Variants in INPP4B observed in about 807,000 individuals in gnomAD.
The protein encoded by INPP4B is inositol polyphosphate-4-phosphatase type II B.
A neutral mutation model predicts 122.5 loss-of-function variants in INPP4B; 55 were observed. The observed-to-expected ratio is 0.45, with a 90% confidence interval of 0.36 to 0.56. The LOEUF (loss-of-function observed/expected upper bound fraction) is 0.56. INPP4B is among the 20% of genes least tolerant of loss of function. The pLI is 0.00. For synonymous variants in INPP4B, 403 were observed against 388.7 expected, an observed-to-expected ratio of 1.04 and a Z score of -0.43; for missense variants, 1,000 against 1,097.7, an observed-to-expected ratio of 0.91 and a Z score of 1.26.
At chr4:142,395,098 A>T (rs1018417772) in intron 7 of INPP4B, among the ~76,000 whole-genome samples, 2 of 152,250 alleles carry the variant, frequency 1.3e-5, no homozygotes, top group Admixed American at 1.3e-4. Flanking sequence ...AAAAGCAAAC[A>T]AAGTTTTTGA....
At chr4:142,772,658 A>T (rs1202272266) in intron 1 of INPP4B, among the ~76,000 whole-genome samples, 1 of 152,182 alleles carries the variant, frequency 6.6e-6, no homozygotes, top group African/African-American at 2.4e-5. Flanking sequence ...CTACATAGGG[A>T]AATTGACATG....
At chr4:142,546,496 T>C (rs1282744892) in intron 2 of INPP4B, among the ~76,000 whole-genome samples, 1 of 152,140 alleles carries the variant, frequency 6.6e-6, no homozygotes, top group East Asian at 1.9e-4. Flanking sequence ...TTGAGAAACC[T>C]GGAGCCTTAG....
intron 2 of INPP4B, among the ~76,000 whole-genome samples, chr4:142,723,825 T>C (rs1351913190): frequency 1.3e-5 from 2 of 152,136 alleles, no homozygotes; most frequent in African/African-American, 4.8e-5. Context: ...AATGTTAATA[T>C]GTTAGTGTGT....
chr4:142,471,971 T>C (rs1426511598), intron 2 of INPP4B, among the ~76,000 whole-genome samples: 2 of 152,168 alleles, frequency 1.3e-5, no homozygotes, highest in East Asian at 1.9e-4. Flanking sequence ...AACCTACAAA[T>C]TATTTTTTTT....
At chr4:142,551,822 G>A (rs1269283307) in intron 2 of INPP4B, among the ~76,000 whole-genome samples, 1 of 152,202 alleles carries the variant, frequency 6.6e-6, no homozygotes, top group Admixed American at 6.5e-5. Flanking sequence ...GAAGGCATAA[G>A]ACTTCCCTAG....
chr4:142,627,439 TTTA>T (rs1246414301), intron 2 of INPP4B, among the ~76,000 whole-genome samples: 11 of 143,996 alleles, frequency 7.6e-5, no homozygotes, highest in African/African-American at 2.9e-4. Context: ...CAATACCTAA[TTTA>T]TTGAGAGTTT....
intron 1 of INPP4B, among the ~76,000 whole-genome samples, chr4:142,845,398 C>T (rs113393787): frequency 1.9e-3 from 285 of 152,282 alleles, no homozygotes; most frequent in Non-Finnish European, 2.2e-3. Flanking sequence ...GGCCCTGGGC[C>T]CTGCCTGAGC....
At position 142,682,986 on chromosome 4, in the gene INPP4B, CA is replaced by C. The variant is rs1487407638; in HGVS notation, c.-191+42852del. Reference sequence around the variant, plus strand: ...TATATATGTGCTGAATGGACAGTCTCAAAAAGATGTGTCTCTTAGTATTTGA... The same window carrying C: ...TATATATGTGCTGAATGGACAGTCTCAAAAGATGTGTCTCTTAGTATTTGA... On this transcript the variant is annotated intron_variant, in intron 2 of 25. Coordinates refer to ENST00000262992, the MANE Select transcript of INPP4B (RefSeq NM_001101669.3). Among the ~76,000 whole-genome samples, 4 of 151,844 alleles carry C rather than the reference CA, an allele frequency of 2.6e-5. No homozygotes were observed. In the East Asian group the frequency reaches 7.8e-4, roughly 30 times the overall value.
rs1276362775 is a variant in INPP4B, at chr4:142,199,767, A to G, written c.1073-6572T>C. Among the ~76,000 whole-genome samples, 4 of 151,964 alleles carry G rather than the reference A, an allele frequency of 2.6e-5. No individual in the cohort carries two copies. In the East Asian group the frequency reaches 7.7e-4, roughly 29 times the overall value. On this transcript the variant is annotated intron_variant, in intron 14 of 25. Transcript: ENST00000262992. The stretch of plus-strand genomic sequence containing the variant: ...TTTGTCATTAGACTTAGGTTGTGCA[A>G]TATGGAGCAGAACACTACAGAGGTG...
chr4:142,709,199 T>C (rs1162390815), intron 2 of INPP4B, among the ~76,000 whole-genome samples: 2 of 152,210 alleles, frequency 1.3e-5, no homozygotes, highest in Admixed American at 6.5e-5. Flanking sequence ...TCCCATTGTA[T>C]CTTAGAAGTA....
chr4:142,122,602 A>AC (rs1200375265), intron 20 of INPP4B, among the ~76,000 whole-genome samples: 1 of 152,020 alleles, frequency 6.6e-6, no homozygotes, highest in Admixed American at 6.6e-5. Context: ...ATCATCACTG[A>AC]CCCAGGTTCA....
At chr4:142,335,976 A>G (rs182434085) in intron 7 of INPP4B, among the ~76,000 whole-genome samples, 114 of 152,268 alleles carry the variant, frequency 7.5e-4, no homozygotes, top group Non-Finnish European at 1.3e-3. Flanking sequence ...GGTGTCTCTT[A>G]GACAATCAAA....
At chr4:142,553,101 G>T (rs1728360434) in intron 2 of INPP4B, among the ~76,000 whole-genome samples, 1 of 151,928 alleles carries the variant, frequency 6.6e-6, no homozygotes, top group Non-Finnish European at 1.5e-5. Context: ...TCTGGTTTCT[G>T]TTCTGTTTTT....
chr4:142,073,859 A>G (rs1488081358), intron 25 of INPP4B, among the ~76,000 whole-genome samples: 2 of 152,030 alleles, frequency 1.3e-5, no homozygotes, highest in African/African-American at 4.8e-5. Flanking sequence ...CTTTAGTGAA[A>G]ATGAGACCTT....
intron 1 of INPP4B, among the ~76,000 whole-genome samples, chr4:142,813,785 T>C (rs1019610131): frequency 6.6e-6 from 1 of 152,166 alleles, no homozygotes; most frequent in Non-Finnish European, 1.5e-5. Context: ...TGATGTAACC[T>C]CTTATCTCTC....
intron 5 of INPP4B, among the ~76,000 whole-genome samples, chr4:142,409,499 T>TAATAAATAAATAAATAAATA (rs10524814): frequency 5.0e-4 from 76 of 150,504 alleles, no homozygotes; most frequent in Admixed American, 2.6e-3. Context: ...TCTCAAAAAA[T>TAATAAATAAATAAATAAATA]AATAAATAAA....
intron 1 of INPP4B, among the ~76,000 whole-genome samples, chr4:142,753,790 G>C (rs377107516): frequency 3.3e-5 from 5 of 151,900 alleles, no homozygotes; most frequent in African/African-American, 1.2e-4. Flanking sequence ...CTATGACAAA[G>C]AAAATATTAA....
chr4:142,677,275 A>C (rs1395974735), intron 2 of INPP4B, among the ~76,000 whole-genome samples: 1 of 152,184 alleles, frequency 6.6e-6, no homozygotes, highest in Non-Finnish European at 1.5e-5. Context: ...GAGAAATGCA[A>C]ATCAAAACCA....
chr4:142,798,263 C>A (rs367890777), intron 1 of INPP4B, among the ~76,000 whole-genome samples: 7 of 151,750 alleles, frequency 4.6e-5, no homozygotes, highest in Non-Finnish European at 1.0e-4. Flanking sequence ...GAGCAATTAG[C>A]GGAGTACAAG....
Sources: allele counts gnomAD v4.1 joint callset (sites outside exome capture counted in the v4.1 genomes callset), GRCh38; gene constraint gnomAD v4.1.1; transcripts MANE v1.5; gene names NCBI Gene and HGNC (gene_info 2026-07-23, HGNC 2026-07-21).